ATXN1: variants seen among roughly 807,000 people sequenced by gnomAD.
ATXN1 encodes ataxin-1.
A neutral mutation model predicts 56.4 loss-of-function variants in ATXN1; 8 were observed. The observed-to-expected ratio is 0.14, with a 90% CI of 0.08 to 0.26. ATXN1 has a LOEUF of 0.26. ATXN1 is among the 10% of genes least tolerant of loss of function. The pLI is 1.00. For missense variants in ATXN1, 987 were observed against 1,106.5 expected, an observed-to-expected ratio of 0.89 and a Z score of 1.53; for synonymous variants, 514 against 494.6, an observed-to-expected ratio of 1.04 and a Z score of -0.52.
At chr6:16,644,869 C>A (rs542833152) in intron 3 of ATXN1, among the ~76,000 whole-genome samples, 1 of 152,110 alleles carries the variant, frequency 6.6e-6, no homozygotes, top group Non-Finnish European at 1.5e-5. Context: ...CAAATATTTA[C>A]GCTTCCTGAT....
intron 2 of ATXN1, among the ~76,000 whole-genome samples, chr6:16,731,454 CTT>C (rs71559655): frequency 1.7e-3 from 139 of 81,750 alleles, no homozygotes; most frequent in South Asian, 0.012. Flanking sequence ...TTTTTCTTTT[CTT>C]TTTTTTTTTT....
At chr6:16,598,034 T>C (rs2113777471) in intron 3 of ATXN1, among the ~76,000 whole-genome samples, 1 of 152,270 alleles carries the variant, frequency 6.6e-6, no homozygotes, top group African/African-American at 2.4e-5. Context: ...ACTGGTGAGG[T>C]GATGAATATA....
intron 6 of ATXN1, among the ~76,000 whole-genome samples, chr6:16,438,609 T>A (rs1020158732): frequency 3.3e-5 from 5 of 152,230 alleles, no homozygotes; most frequent in Admixed American, 6.5e-5. Flanking sequence ...ACCAAGATAT[T>A]GTCTTTCTGT....
chr6:16,332,971 C>A (rs1347523590), intron 6 of ATXN1, among the ~76,000 whole-genome samples: 1 of 152,170 alleles, frequency 6.6e-6, no homozygotes, highest in East Asian at 1.9e-4. Context: ...GTTTGAGAAA[C>A]CCTAGCAGCT....
rs1760798917 is a variant in ATXN1 at position 16,326,133 on chromosome 6, GT to G, written c.1917+260del. Among the ~76,000 whole-genome samples the G allele has an allele frequency of 6.6e-6, 1 of 152,152 alleles. No homozygotes were observed. Among genetic ancestry groups the G allele is most frequent in the African/African-American group, 2.4e-5 (1 of 41,428 alleles). On this transcript the variant is annotated intron_variant, in intron 7 of 7. Coordinates refer to ENST00000436367, the MANE Select transcript of ATXN1 (RefSeq NM_001128164.2). This position sits in a 1 kb window ranked among gnomAD's most constrained non-coding sequence, Gnocchi z 6.6. ...CAGAATTCAAAAAATAACTAGAGTG[GT>G]GAGTTTCTGGATTGTCTCAAGGACT...
chr6:16,534,895 T>C (rs1043403878), intron 4 of ATXN1, among the ~76,000 whole-genome samples: 2 of 152,250 alleles, frequency 1.3e-5, no homozygotes, highest in Non-Finnish European at 2.9e-5. Flanking sequence ...CCCTTCTGTA[T>C]TCTGATTTTC....
chr6:16,532,602 G>A (rs980341322), intron 4 of ATXN1, among the ~76,000 whole-genome samples: 2 of 152,092 alleles, frequency 1.3e-5, no homozygotes, highest in Non-Finnish European at 2.9e-5. Flanking sequence ...TGACCATTAA[G>A]CACACGAAAA....
chr6:16,413,708 T>G (rs1370027694), intron 6 of ATXN1, among the ~76,000 whole-genome samples: 1 of 152,186 alleles, frequency 6.6e-6, no homozygotes, highest in African/African-American at 2.4e-5. Flanking sequence ...CTTTGTGACA[T>G]GATGTTTGGG....
chr6:16,589,397 G>C (rs538929263), intron 3 of ATXN1, among the ~76,000 whole-genome samples: 1 of 150,918 alleles, frequency 6.6e-6, no homozygotes, highest in East Asian at 1.9e-4. Context: ...GTATATACAC[G>C]CACACATATA....
intron 6 of ATXN1, among the ~76,000 whole-genome samples, chr6:16,424,508 G>T (rs888354876): frequency 1.3e-5 from 2 of 152,130 alleles, no homozygotes; most frequent in African/African-American, 4.8e-5. Flanking sequence ...GTTGCCCAGG[G>T]TTCTAGTGTG....
chr6:16,344,387 A>G (rs775252054), intron 6 of ATXN1, among the ~76,000 whole-genome samples: 43 of 152,178 alleles, frequency 2.8e-4, no homozygotes, highest in Non-Finnish European at 5.3e-4. Flanking sequence ...CAAAGGAGAT[A>G]AACATTTGGG....
At chr6:16,719,941 T>C (rs1053979829) in intron 2 of ATXN1, among the ~76,000 whole-genome samples, 2 of 152,110 alleles carry the variant, frequency 1.3e-5, no homozygotes, top group Non-Finnish European at 2.9e-5. Flanking sequence ...CTCCAGAACT[T>C]TGAGAGAACA....
intron 2 of ATXN1, among the ~76,000 whole-genome samples, chr6:16,731,543 C>A (rs144166792): frequency 2.8e-4 from 39 of 139,504 alleles, no homozygotes; most frequent in African/African-American, 1.0e-3. Context: ...CCAGAGCGAC[C>A]AAGGGCTGCA....
chr6:16,326,644 A>G lies in ATXN1; in HGVS notation c.1667T>C (p.Val556Ala), dbSNP rs1448891875. 6 of 1,613,698 alleles carry G rather than the reference A, an allele frequency of 3.7e-6. No homozygotes were observed. The highest frequency in any genetic ancestry group is 2.5e-6 in the Non-Finnish European group (3 of 1,180,036). The change falls in exon 7 of 8, where the codon GTG (valine) becomes GCG (alanine). Residue 556 changes from valine to alanine, a missense_variant. By Grantham distance (64) the Val-to-Ala change is moderately conservative (BLOSUM62 0). Transcript: ENST00000436367. This position sits in a 1 kb window ranked among gnomAD's most constrained non-coding sequence, Gnocchi z 6.6. ...CGCCGGGGAGGCCACGGACTGCACC[A>G]CAGGCAGGTGGATCTGGGCCTGCAC... ...AMVQAQIHLP[V>A]VQSVASPAAA... is the part of the protein sequence containing the mutation.
intron 3 of ATXN1, among the ~76,000 whole-genome samples, chr6:16,637,561 G>A (rs954986652): frequency 2.6e-5 from 4 of 151,974 alleles, no homozygotes; most frequent in African/African-American, 4.8e-5. Flanking sequence ...CACACTAGAA[G>A]TCAACAGCTG....
intron 6 of ATXN1, among the ~76,000 whole-genome samples, chr6:16,435,362 A>G (rs752802884): frequency 2.6e-5 from 4 of 152,092 alleles, no homozygotes; most frequent in Non-Finnish European, 5.9e-5. Flanking sequence ...AGAACACTTA[A>G]GTGGAGAAGC....
intron 2 of ATXN1, among the ~76,000 whole-genome samples, chr6:16,689,034 GTATA>G (rs1224196569): frequency 2.0e-5 from 3 of 148,732 alleles, no homozygotes; most frequent in African/African-American, 7.7e-5. Flanking sequence ...ATGCAGATGT[GTATA>G]TGTGTACTCT....
intron 5 of ATXN1, among the ~76,000 whole-genome samples, chr6:16,500,105 C>T (rs1760854815): frequency 6.6e-6 from 1 of 152,210 alleles, no homozygotes; most frequent in Non-Finnish European, 1.5e-5. Context: ...TCACCTTGCA[C>T]CACTTGCAAG....
At chr6:16,355,204 G>C (rs922157782) in intron 6 of ATXN1, among the ~76,000 whole-genome samples, 1 of 152,212 alleles carries the variant, frequency 6.6e-6, no homozygotes, top group Non-Finnish European at 1.5e-5. Flanking sequence ...AGTTTGCTGA[G>C]AGCAGAACCC....
Sources: allele counts gnomAD v4.1 joint callset (sites outside exome capture counted in the v4.1 genomes callset), GRCh38; gene constraint gnomAD v4.1.1; non-coding constraint Gnocchi (gnomAD v3.1); transcripts MANE v1.5; gene names NCBI Gene and HGNC (gene_info 2026-07-23, HGNC 2026-07-21).